Variants in SHROOM3 observed in about 807,000 individuals in gnomAD.
The protein encoded by SHROOM3 is protein Shroom3.
SHROOM3 carries 47 observed loss-of-function variants against 138.6 expected under a neutral mutation model. The ratio of observed to expected loss-of-function variants is 0.34; its 90% confidence interval spans 0.27 to 0.43. The LOEUF (loss-of-function observed/expected upper bound fraction) is 0.43, where lower values mean the gene tolerates loss of function less well. Among genes scored for constraint, SHROOM3 ranks in the 20% least tolerant of loss-of-function variants. The probability of loss-of-function intolerance (pLI) is 1.00; values close to 1 mark genes in which losing one functional copy is unlikely to be tolerated. For missense variants in SHROOM3, 2,491 were observed against 2,596.5 expected (o/e 0.96, Z 0.88); for synonymous variants, 1,062 against 1,063.3 (o/e 1.00, Z 0.02).
chr4:76,728,169 T>A (rs915226584), intron 3 of SHROOM3, among the ~76,000 whole-genome samples: 11 of 152,100 alleles, frequency 7.2e-5, no homozygotes, highest in African/African-American at 2.4e-4. Context: ...GTGCTGAACT[T>A]CAAGGTTTAG....
chr4:76,688,872 C>G (rs765580123), intron 2 of SHROOM3: 15 of 984,912 alleles, frequency 1.5e-5, no homozygotes, highest in Middle Eastern at 5.2e-4. Flanking sequence ...GCTTCAGCGG[C>G]ATTCACCACC....
intron 9 of SHROOM3, among the ~76,000 whole-genome samples, chr4:76,760,679 G>T (rs1721961021): frequency 1.3e-5 from 2 of 152,202 alleles, no homozygotes. Flanking sequence ...TGGCTAACAT[G>T]CTGATGCAAC....
chr4:76,674,851 G>A (rs1294602793), intron 2 of SHROOM3, among the ~76,000 whole-genome samples: 2 of 151,876 alleles, frequency 1.3e-5, no homozygotes, highest in East Asian at 1.9e-4. Context: ...CACCACACCC[G>A]GCCATGTCAA....
At chr4:76,613,793 A>G (rs1421354706) in intron 2 of SHROOM3, among the ~76,000 whole-genome samples, 2 of 152,154 alleles carry the variant, frequency 1.3e-5, no homozygotes, top group Non-Finnish European at 2.9e-5. Context: ...TGCATGCTCA[A>G]CTTCACTCCT....
rs541585101 is a variant in SHROOM3 at position 76,597,546 on chromosome 4, A to G, written c.323+41783A>G. On this transcript the variant is annotated intron_variant, in intron 2 of 10. Coordinates refer to ENST00000296043, the MANE Select transcript of SHROOM3 (RefSeq NM_020859.4). ...ACAAATTCCCACGCACCCACCCTCCAGCTGGATGGCTCTTGTTAAGTAGAA... is the reference window on the plus strand; with the variant it reads ...ACAAATTCCCACGCACCCACCCTCCGGCTGGATGGCTCTTGTTAAGTAGAA... Among the ~76,000 whole-genome samples, 11 of 152,312 alleles carry G rather than the reference A, an allele frequency of 7.2e-5. No individual in the cohort carries two copies. In the East Asian group the frequency reaches 2.1e-3, roughly 29 times the overall value.
intron 7 of SHROOM3, among the ~76,000 whole-genome samples, chr4:76,755,740 G>C (rs1424553840): frequency 1.3e-5 from 2 of 152,168 alleles, no homozygotes; most frequent in Non-Finnish European, 2.9e-5. Context: ...GGATGTGAAT[G>C]CTCAGCTTCT....
chr4:76,735,418 T>TAACA (rs1310186061), intron 4 of SHROOM3, among the ~76,000 whole-genome samples: 1 of 152,080 alleles, frequency 6.6e-6, no homozygotes, highest in East Asian at 1.9e-4. Context: ...GGAAAATACC[T>TAACA]AACAGAGGCC....
At position 76,693,377 on chromosome 4, in the gene SHROOM3, T is replaced by TTTTTTTTTTG. The variant is rs1553937636; in HGVS notation, c.324-16770_324-16769insGTTTTTTTTT. On this transcript the variant is annotated intron_variant, in intron 2 of 10. Coordinates refer to ENST00000296043, the MANE Select transcript of SHROOM3 (RefSeq NM_020859.4). ...CTTCATTTTGATAAGTTTGTTTTTTTTTTTTTTTTTTTTTTTAAAGCAACA... is the reference window on the plus strand; with the variant it reads ...CTTCATTTTGATAAGTTTGTTTTTTTTTTTTTTTTGTTTTTTTTTTTTTTTTAAAGCAACA... 9.9e-4 allele frequency among the ~76,000 whole-genome samples: 125 copies of TTTTTTTTTTG among 126,014 alleles called. 5 individuals carry two copies. Among genetic ancestry groups the TTTTTTTTTTG allele is most frequent in the African/African-American group, 4.0e-3 (119 of 29,910 alleles). The allele number at this position is 126,014 out of a possible 152,430, so 82.7% of individuals were successfully genotyped here. A position where few individuals can be genotyped will look rare whatever the true frequency, so the allele number is the denominator to read the frequency against.
rs942062229 is a variant in SHROOM3, at chr4:76,740,511, T to C, written c.2338T>C (p.Ser780Pro). The C allele has an allele frequency of 1.9e-6, 3 of 1,613,736 alleles. No individual in the cohort carries two copies. The highest frequency in any genetic ancestry group is 2.5e-6 in the Non-Finnish European group (3 of 1,179,854). Residue 780 changes from serine (S) to proline (P), a missense_variant, in exon 5 of 11, where the codon TCG becomes CCG. This residue lies in a region of SHROOM3 where 1,733 missense variants were observed against 1,661.6 expected (regional missense o/e 1.04). Coordinates refer to ENST00000296043, the MANE Select transcript of SHROOM3 (RefSeq NM_020859.4). The surrounding 1 kb of genome is among the most constrained non-coding windows in gnomAD (Gnocchi z 4.0). ...QGFQYGKPHC[S>P]VLEKVSKFEQ... ...CTTTCAGTACGGGAAGCCCCACTGCTCGGTGCTGGAGAAGGTCTCCAAATT... is the reference window on the plus strand; with the variant it reads ...CTTTCAGTACGGGAAGCCCCACTGCCCGGTGCTGGAGAAGGTCTCCAAATT...
chr4:76,777,396 T>C (rs1722602958), intron 10 of SHROOM3, among the ~76,000 whole-genome samples: 1 of 152,258 alleles, frequency 6.6e-6, no homozygotes, highest in African/African-American at 2.4e-5. Context: ...TATTCTCAGC[T>C]TGGTCGCTGT....
chr4:76,667,731 G>A (rs1158785727), intron 2 of SHROOM3, among the ~76,000 whole-genome samples: 2 of 151,598 alleles, frequency 1.3e-5, no homozygotes, highest in Non-Finnish European at 2.9e-5. Flanking sequence ...CACTTTGGGA[G>A]GCTGAGGCGG....
At chr4:76,680,562 G>A (rs1493363) in intron 2 of SHROOM3, among the ~76,000 whole-genome samples, 73,527 of 151,982 alleles carry the variant, frequency 0.48, 19,747 homozygotes, top group African/African-American at 0.73. Flanking sequence ...CCACATAATC[G>A]TCACTCACCC....
chr4:76,554,819 G>A (rs1036992560), intron 1 of SHROOM3, among the ~76,000 whole-genome samples: 1 of 152,118 alleles, frequency 6.6e-6, no homozygotes, highest in African/African-American at 2.4e-5. Flanking sequence ...GAGTGGATGA[G>A]TAAGTGAAGC....
In SHROOM3 at chr4:76,730,861, GCAA is replaced by G; in HGVS notation, c.515_517del (p.Gln172del). 6.2e-7 allele frequency: 1 copy of G among 1,614,146 alleles called. No homozygotes were observed. Among genetic ancestry groups the G allele is most frequent in the Non-Finnish European group, 8.5e-7 (1 of 1,180,028 alleles). Reference sequence around the variant, plus strand: ...GGCACACAACTAAATCTGGGGAGAAGCAACCCGATGCCAGCATGATGCAGATAT... The same window carrying G: ...GGCACACAACTAAATCTGGGGAGAAGCCCGATGCCAGCATGATGCAGATAT... On this transcript the variant is annotated inframe_deletion, in exon 4 of 11. Coordinates refer to ENST00000296043, the MANE Select transcript of SHROOM3 (RefSeq NM_020859.4).
At chr4:76,526,174 C>A (rs982450449) in intron 1 of SHROOM3, among the ~76,000 whole-genome samples, 3 of 152,194 alleles carry the variant, frequency 2.0e-5, no homozygotes, top group African/African-American at 7.2e-5. Context: ...CAAGACCAGC[C>A]TGGCCAAGAT....
At chr4:76,484,406 T>C (rs1005391166) in intron 1 of SHROOM3, among the ~76,000 whole-genome samples, 5 of 150,876 alleles carry the variant, frequency 3.3e-5, no homozygotes, top group Non-Finnish European at 5.9e-5. Context: ...ACCTCATCTC[T>C]TAAGAAAAAA....
chr4:76,689,093 C>T, intron 2 of SHROOM3: 1 of 327,842 alleles, frequency 3.1e-6, no homozygotes, highest in South Asian at 1.2e-4. Flanking sequence ...TTTTGGATTC[C>T]TCTGCATTTT....
Position 76,782,077 on chromosome 4 carries a change from C to T in SHROOM3, c.*2900C>T, listed in dbSNP as rs1307994994. On this transcript the variant is annotated 3_prime_UTR_variant, in exon 11 of 11. Coordinates refer to ENST00000296043, the MANE Select transcript of SHROOM3 (RefSeq NM_020859.4). The stretch of plus-strand genomic sequence containing the variant: ...CAGGAGGCCTCCACTTCCTGGGCCA[C>T]TTGAGAAGTTCCTGGGCATGTCACT... 1.3e-5 allele frequency: 2 copies of T among 152,190 alleles called. No homozygotes were observed. The highest frequency in any genetic ancestry group is 3.8e-4 in the East Asian group (2 of 5,200). 9.4% of individuals were successfully genotyped at this position (152,190 alleles called of 1,614,324 possible).
chr4:76,633,856 G>A (rs1735414652), intron 2 of SHROOM3, among the ~76,000 whole-genome samples: 1 of 152,020 alleles, frequency 6.6e-6, no homozygotes, highest in African/African-American at 2.4e-5. Flanking sequence ...CAACCAATAT[G>A]CTATCCTTTA....
Sources: gnomAD v4.1 joint callset for allele counts (sites outside exome capture counted in the v4.1 genomes callset) on GRCh38, gnomAD v4.1.1 for gene constraint, gnomAD v4.1.1 regional missense constraint, Gnocchi (gnomAD v3.1) non-coding constraint, MANE v1.5 for transcripts, NCBI Gene and HGNC (gene_info 2026-07-23, HGNC 2026-07-21) for gene names.